GTPBP1: variants seen among roughly 807,000 people sequenced by gnomAD.
GTPBP1 encodes the protein GTP binding protein 1.
In GTPBP1, 23 loss-of-function variants were observed where a neutral mutation model predicts 62.0. That is an observed-to-expected ratio of 0.37 (90% CI 0.27 to 0.53). The LOEUF (loss-of-function observed/expected upper bound fraction) is 0.53. Among genes scored for constraint, GTPBP1 ranks in the 20% least tolerant of loss-of-function variants. The probability of loss-of-function intolerance (pLI) is 0.89; values close to 1 mark genes in which losing one functional copy is unlikely to be tolerated. For synonymous variants in GTPBP1, 344 were observed against 364.4 expected (o/e 0.94, Z 0.64); for missense variants, 640 against 917.3 (o/e 0.70, Z 3.90).
intron 2 of GTPBP1, among the ~76,000 whole-genome samples, chr22:38,709,697 C>T (rs2092627350): frequency 6.6e-6 from 1 of 152,202 alleles, no homozygotes; most frequent in African/African-American, 2.4e-5. Context: ...TTCTTGGTGT[C>T]AGCAGAGAAA....
At chr22:38,728,403 C>G (rs541433607) in intron 10 of GTPBP1, 4 of 500,528 alleles carry the variant, frequency 8.0e-6, no homozygotes, top group African/African-American at 7.7e-5. Context: ...CCATAGAAAA[C>G]TGGTGACAGA....
Position 38,721,859 on chromosome 22 carries a change from C to T in GTPBP1, c.952C>T (p.Leu318=), listed in dbSNP as rs754219556. 1.3e-6 allele frequency: 2 copies of T among 1,584,198 alleles called. No homozygotes were observed. The highest frequency in any genetic ancestry group is 4.5e-5 in the East Asian group (2 of 44,238). The change falls in exon 5 of 12, where the codon CTG becomes TTG. Residue 318 remains leucine (L), a synonymous_variant. Transcript: ENST00000216044. ...GATTGACATGTGTCCTGCCAACATC[C>T]TGCAAGGTAAGTGAAGCCTCCAGCT... The part of the protein sequence containing the change: ...TKIDMCPANI[L]QETLKLLQRL...
downstream of GTPBP1, chr22:38,736,223 T>C (rs1297431314): frequency 6.4e-7 from 1 of 1,566,796 alleles, no homozygotes. Context: ...GGGGTGCTGT[T>C]CACCCACTCC....
downstream of GTPBP1, chr22:38,738,382 T>G: frequency 5.4e-6 from 6 of 1,106,190 alleles, no homozygotes; most frequent in Non-Finnish European, 7.9e-6. This position sits in a 1 kb window ranked among gnomAD's most constrained non-coding sequence, Gnocchi z 6.6. Context: ...CTATGACAAG[T>G]CACTTCACTC....
intron 2 of GTPBP1, among the ~76,000 whole-genome samples, chr22:38,713,637 G>A (rs1569276792): frequency 6.6e-6 from 1 of 152,190 alleles, no homozygotes; most frequent in Non-Finnish European, 1.5e-5. Context: ...AAAGGCTCTG[G>A]TTTTGGAATC....
At position 38,721,798 on chromosome 22, in the gene GTPBP1, GGC is replaced by G; in HGVS notation, c.892_893del (p.Ala298ThrfsTer13). On this transcript the variant is annotated frameshift_variant, in exon 5 of 12. Coordinates refer to ENST00000216044, the MANE Select transcript of GTPBP1 (RefSeq NM_004286.5). LOFTEE classifies it high-confidence loss of function. ...MTKEHLGLALALNVPVFVVVT... is the reference protein window; with the variant it reads ...MTKEHLGLALXLNVPVFVVVT... Reference sequence around the variant, plus strand: ...CCAAAGAACACCTGGGCTTGGCACTGGCACTCAATGTACCTGTCTTTGTGGTA... The same window carrying G: ...CCAAAGAACACCTGGGCTTGGCACTGACTCAATGTACCTGTCTTTGTGGTA... 6.2e-7 allele frequency: 1 copy of G among 1,613,000 alleles called. No individual in the cohort carries two copies. Among genetic ancestry groups the G allele is most frequent in the Non-Finnish European group, 8.5e-7 (1 of 1,179,112 alleles).
chr22:38,729,732 G>T (rs2043748580), intron 11 of GTPBP1, 70 bp downstream of exon 11: 17 of 1,209,544 alleles, frequency 1.4e-5, no homozygotes, highest in Non-Finnish European at 1.9e-5. Context: ...TTCGGTGAGG[G>T]TGACATGTAG....
chr22:38,716,967 G>A lies in GTPBP1; in HGVS notation c.801G>A (p.Met267Ile). 1 of 1,612,728 alleles carries A rather than the reference G, an allele frequency of 6.2e-7. No individual in the cohort carries two copies. The highest frequency in any genetic ancestry group is 8.5e-7 in the Non-Finnish European group (1 of 1,178,834). Residue 267 changes from methionine (M) to isoleucine (I), a missense_variant, in exon 4 of 12, where the codon ATG (methionine) becomes ATA (isoleucine). Met to Ile is a conservative substitution (Grantham distance 10). Transcript: ENST00000216044. The surrounding 1 kb of genome is among the most constrained non-coding windows in gnomAD (Gnocchi z 5.2). The part of the protein sequence containing the change: ...EKYLKTTVFG[M>I]TGHLPDFCML... ...ACCTGAAAACCACTGTCTTCGGCAT[G>A]ACAGGCCATCTGCCTGACTTCTGCA...
In GTPBP1 at chr22:38,716,575, T is replaced by G; in HGVS notation, c.486-77T>G. 1.9e-6 allele frequency: 2 copies of G among 1,070,852 alleles called. No homozygotes were observed. Among genetic ancestry groups the G allele is most frequent in the Middle Eastern group, 2.2e-4 (1 of 4,496 alleles). The allele number at this position is 1,070,852 out of a possible 1,614,324, so 66.3% of individuals were successfully genotyped here. A position where few individuals can be genotyped will look rare whatever the true frequency, so the allele number is the denominator to read the frequency against. ...GCAAGCCTGGACTTGCGGATCCAATTACTGGGGTTATGATGGTCGCTCCAC... is the reference window on the plus strand; with the variant it reads ...GCAAGCCTGGACTTGCGGATCCAATGACTGGGGTTATGATGGTCGCTCCAC... On this transcript the variant is annotated intron_variant, in intron 3 of 11. Transcript: ENST00000216044. This position sits in a 1 kb window ranked among gnomAD's most constrained non-coding sequence, Gnocchi z 5.2.
Position 38,727,743 on chromosome 22 carries a change from C to G in GTPBP1, c.1538-240C>G, listed in dbSNP as rs2092734588. ...GTGCTGTAATCCCAGGAACTGGGAC[C>G]CTTGTCTGCCCAGGGCCTGGGGGTG... is the stretch of plus-strand genomic sequence containing the variant. On this transcript the variant is annotated intron_variant, in intron 9 of 11. Transcript: ENST00000216044. This position sits in a 1 kb window ranked among gnomAD's most constrained non-coding sequence, Gnocchi z 6.5. 6.6e-6 allele frequency among the ~76,000 whole-genome samples: 1 copy of G among 152,188 alleles called. No individual in the cohort carries two copies. The highest frequency in any genetic ancestry group is 1.5e-5 in the Non-Finnish European group (1 of 68,028).
chr22:38,720,629 A>C (rs147743658), intron 4 of GTPBP1, among the ~76,000 whole-genome samples: 101 of 152,274 alleles, frequency 6.6e-4, no homozygotes, highest in African/African-American at 2.1e-3. Context: ...AGTAGATAAA[A>C]ATTTCTTCTT....
At chr22:38,707,936 C>T (rs184090172) in intron 1 of GTPBP1, among the ~76,000 whole-genome samples, 11 of 152,142 alleles carry the variant, frequency 7.2e-5, no homozygotes, top group Admixed American at 1.3e-4. Context: ...CCTAAGGCTC[C>T]GAGAGCTTCC....
downstream of GTPBP1, chr22:38,737,906 C>A (rs369549176): frequency 1.2e-5 from 8 of 654,494 alleles, no homozygotes; most frequent in African/African-American, 1.3e-4. This position sits in a 1 kb window ranked among gnomAD's most constrained non-coding sequence, Gnocchi z 4.1. Context: ...TCCTGGCCAC[C>A]CAACCCCTCT....
rs757563131 is a variant in GTPBP1, at chr22:38,726,380, C to T, written c.1341C>T (p.Arg447=). Residue 447 remains arginine (R), a synonymous_variant, in exon 8 of 12, where the codon CGC becomes CGT. Coordinates refer to ENST00000216044, the MANE Select transcript of GTPBP1 (RefSeq NM_004286.5). The surrounding 1 kb of genome is among the most constrained non-coding windows in gnomAD (Gnocchi z 4.1). ...CCATTGCTGTCAAATCCATCCATCG[C>T]AAGCGCATGCCTGTCAAGGAGGTGC... The part of the protein sequence containing the change: ...FLSIAVKSIH[R]KRMPVKEVRG... The T allele has an allele frequency of 6.2e-7, 1 of 1,613,930 alleles. No homozygotes were observed. The highest frequency in any genetic ancestry group is 8.5e-7 in the Non-Finnish European group (1 of 1,179,982).
rs764260498 is a variant in GTPBP1 at position 38,727,188 on chromosome 22, G to A, written c.1402-25G>A. 4 of 1,550,290 alleles carry A rather than the reference G, an allele frequency of 2.6e-6. No individual in the cohort carries two copies. The African/African-American group carries it at 5.6e-5, about 22-fold the overall frequency. The stretch of plus-strand genomic sequence containing the variant: ...ACCAGAAGGCATAATTGTCCCTGAG[G>A]GCTGGGGCTCCCTCTTTCTTTCAGA... On this transcript the variant is annotated intron_variant, in intron 8 of 11. Transcript: ENST00000216044. The surrounding 1 kb of genome is among the most constrained non-coding windows in gnomAD (Gnocchi z 6.5).
chr22:38,740,799 G>T (rs996298409), downstream of GTPBP1: 9 of 609,908 alleles, frequency 1.5e-5, no homozygotes, highest in South Asian at 1.2e-4. The surrounding 1 kb of genome is among the most constrained non-coding windows in gnomAD (Gnocchi z 4.8). Context: ...CCTGCCCCCC[G>T]CCCTCAGGAC....
downstream of GTPBP1, chr22:38,736,724 G>A (rs558913383): frequency 8.7e-5 from 17 of 194,888 alleles, no homozygotes; most frequent in East Asian, 1.3e-3. Context: ...AGTGCCCATC[G>A]GGCCTCTGTC....
intron 4 of GTPBP1, among the ~76,000 whole-genome samples, chr22:38,721,451 A>C (rs1041158689): frequency 1.1e-4 from 16 of 152,248 alleles, no homozygotes; most frequent in African/African-American, 3.6e-4. Context: ...TCCTGGCCTC[A>C]AGTGATCTGC....
rs1048213615 is a variant in GTPBP1 at position 38,708,709 on chromosome 22, G to A, written c.193-136G>A. 9.6e-6 allele frequency: 6 copies of A among 622,646 alleles called. No individual in the cohort carries two copies. The African/African-American group carries it at 1.1e-4, about 11-fold the overall frequency. The allele number at this position is 622,646 out of a possible 1,614,324, so 38.6% of individuals were successfully genotyped here. ...ACTTCAGGAGAAGCAGAGAGGGCAT[G>A]AAGGGGCTGTGCAGCCTTTTTAGAT... On this transcript the variant is annotated intron_variant, in intron 1 of 11. Coordinates refer to ENST00000216044, the MANE Select transcript of GTPBP1 (RefSeq NM_004286.5).
Sources: gnomAD v4.1 joint callset for allele counts (sites outside exome capture counted in the v4.1 genomes callset) on GRCh38, gnomAD v4.1.1 for gene constraint, Gnocchi (gnomAD v3.1) non-coding constraint, MANE v1.5 for transcripts, NCBI Gene and HGNC (gene_info 2026-07-23, HGNC 2026-07-21) for gene names.